The following SLC16A5 variants were observed in gnomAD, a reference collection of about 807,000 sequenced individuals.
SLC16A5 encodes monocarboxylate transporter 6.
In SLC16A5, 29 loss-of-function variants were observed where a neutral mutation model predicts 33.2. The ratio of observed to expected loss-of-function variants is 0.87; its 90% CI spans 0.65 to 1.19. The LOEUF (loss-of-function observed/expected upper bound fraction) is 1.19. Ranked by LOEUF, SLC16A5 falls within the 50% of genes most tolerant of loss-of-function variation. The pLI, the probability that SLC16A5 is intolerant of heterozygous loss-of-function variation, is 0.00. For synonymous variants in SLC16A5, 248 were observed against 284.1 expected, an observed-to-expected ratio of 0.87 and a Z score of 1.28; for missense variants, 606 against 678.2, an observed-to-expected ratio of 0.89 and a Z score of 1.18.
Position 75,100,182 on chromosome 17 carries a change from T to C in SLC16A5, c.519T>C (p.Leu173=). Residue 173 remains leucine, a synonymous_variant, in exon 5 of 7, where the codon CTT becomes CTC. Transcript: ENST00000329783. ...ACCTGGGCTGGAGGGGTACCTTCCT[T>C]GTCTTCGGCGGGATCTTTCTCCACT... ...LENLGWRGTF[L]VFGGIFLHCC... 6.2e-7 allele frequency: 1 copy of C among 1,614,244 alleles called. No individual in the cohort carries two copies. Among genetic ancestry groups the C allele is most frequent in the East Asian group, 2.2e-5 (1 of 44,886 alleles).
At chr17:75,098,696 G>T (rs888741051) in intron 4 of SLC16A5, among the ~76,000 whole-genome samples, 7 of 152,006 alleles carry the variant, frequency 4.6e-5, no homozygotes, top group South Asian at 2.1e-4. Flanking sequence ...GGCTTTTTTT[G>T]TTTGTTTGTT....
chr17:75,107,308 A>C (rs2073870867), downstream of SLC16A5, among the ~76,000 whole-genome samples: 1 of 152,164 alleles, frequency 6.6e-6, no homozygotes, highest in Non-Finnish European at 1.5e-5. Context: ...CTTCCCAAAA[A>C]AAAAAAAGGT....
chr17:75,109,163 C>A (rs1367482089), downstream of SLC16A5, among the ~76,000 whole-genome samples: 3 of 152,300 alleles, frequency 2.0e-5, no homozygotes, highest in East Asian at 5.8e-4. This position sits in a 1 kb window ranked among gnomAD's most constrained non-coding sequence, Gnocchi z 5.0. Flanking sequence ...GAGAAGGAAT[C>A]GGCCGAAGGG....
intron 2 of SLC16A5, 59 bp downstream of exon 2, chr17:75,089,363 A>G (rs2073607953): frequency 6.6e-6 from 1 of 152,100 alleles, no homozygotes; most frequent in Admixed American, 6.6e-5. Context: ...GGGTTCATGA[A>G]CAGGTTCTTG....
At position 75,098,093 on chromosome 17, in the gene SLC16A5, G is replaced by A; in HGVS notation, c.255G>A (p.Leu85=). 6.2e-7 allele frequency: 1 copy of A among 1,609,206 alleles called. No individual in the cohort carries two copies. The highest frequency in any genetic ancestry group is 8.5e-7 in the Non-Finnish European group (1 of 1,178,112). Residue 85 remains leucine (L), a synonymous_variant, in exon 4 of 7, where the codon CTG becomes CTA. Coordinates refer to ENST00000329783, the MANE Select transcript of SLC16A5 (RefSeq NM_004695.4). ...GRFGCRVTVM[L]GGVLASLGMV... Reference sequence around the variant, plus strand: ...TCGGCTGCCGAGTGACCGTGATGCTGGGGGGCGTGCTGGCCAGCCTGGGCA... The same window carrying A: ...TCGGCTGCCGAGTGACCGTGATGCTAGGGGGCGTGCTGGCCAGCCTGGGCA...
At chr17:75,089,790 G>T (rs1157658990) in intron 2 of SLC16A5, 3 of 149,668 alleles carry the variant, frequency 2.0e-5, no homozygotes, top group Middle Eastern at 3.2e-3. Flanking sequence ...GAGAAAACAG[G>T]AAGGAGGTGC....
At position 75,089,139 on chromosome 17, in the gene SLC16A5, C is replaced by T. The variant is rs1190822709; in HGVS notation, c.-202-12C>T. Reference sequence around the variant, plus strand: ...CACACACCAGGCAGTGACCATGACTCATGGTTCCCAGTACAAAGAAAAGAG... The same window carrying T: ...CACACACCAGGCAGTGACCATGACTTATGGTTCCCAGTACAAAGAAAAGAG... On this transcript the variant is annotated splice_polypyrimidine_tract_variant and intron_variant, in intron 1 of 6. Transcript: ENST00000329783. 6.6e-6 allele frequency: 1 copy of T among 152,498 alleles called. No homozygotes were observed. The allele number at this position is 152,498 out of a possible 1,614,324, so 9.4% of individuals were successfully genotyped here.
Position 75,098,125 on chromosome 17 carries a change from C to G in SLC16A5, c.287C>G (p.Ala96Gly). The G allele has an allele frequency of 1.2e-6, 2 of 1,611,648 alleles. No homozygotes were observed. Among genetic ancestry groups the G allele is most frequent in the Non-Finnish European group, 1.7e-6 (2 of 1,179,276 alleles). Residue 96 changes from alanine (A) to glycine (G), a missense_variant, in exon 4 of 7, where the codon GCC becomes GGC. By Grantham distance (60) the Ala-to-Gly change is moderately conservative (BLOSUM62 0). Transcript: ENST00000329783. ...GGVLASLGMV[A>G]SSFSHNLSQL... ...GTGCTGGCCAGCCTGGGCATGGTGG[C>G]CAGCTCCTTCTCTCACAACCTCAGC...
intron 1 of SLC16A5, among the ~76,000 whole-genome samples, chr17:75,088,587 T>C (rs1393699632): frequency 6.6e-6 from 1 of 152,148 alleles, no homozygotes; most frequent in Non-Finnish European, 1.5e-5. Context: ...TGCTGCTCTC[T>C]GCTGGACGGG....
intron 3 of SLC16A5, among the ~76,000 whole-genome samples, chr17:75,096,300 G>C (rs895885077): frequency 2.0e-5 from 3 of 151,544 alleles, no homozygotes; most frequent in African/African-American, 7.3e-5. Context: ...ACCACCCTCA[G>C]CTATGCAGCT....
intron 2 of SLC16A5, among the ~76,000 whole-genome samples, chr17:75,092,021 T>C (rs2073643463): frequency 1.3e-5 from 1 of 79,222 alleles, no homozygotes; most frequent in Non-Finnish European, 2.5e-5. Context: ...GCCAAAGATG[T>C]GAGGGGGGTG....
chr17:75,091,129 G>A (rs550920761), intron 2 of SLC16A5, among the ~76,000 whole-genome samples: 21 of 152,168 alleles, frequency 1.4e-4, no homozygotes, highest in Non-Finnish European at 3.1e-4. Flanking sequence ...GCAGGGAACA[G>A]GCAAAGGCAG....
At chr17:75,103,110 C>T (rs778178156) in intron 5 of SLC16A5, among the ~76,000 whole-genome samples, 4 of 152,180 alleles carry the variant, frequency 2.6e-5, no homozygotes, top group South Asian at 2.1e-4. Flanking sequence ...AGGCTGTTCT[C>T]GAACTCCTGA....
intron 3 of SLC16A5, among the ~76,000 whole-genome samples, chr17:75,096,961 G>C (rs2073728524): frequency 6.7e-6 from 1 of 148,550 alleles, no homozygotes; most frequent in Non-Finnish European, 1.5e-5. Flanking sequence ...AAGTAGCTGG[G>C]ATTACAGGCA....
chr17:75,094,592 A>G (rs537984883), intron 3 of SLC16A5, among the ~76,000 whole-genome samples: 1 of 152,042 alleles, frequency 6.6e-6, no homozygotes, highest in African/African-American at 2.4e-5. Context: ...AGGCTGAGGC[A>G]GGAGAATCTC....
At chr17:75,091,318 C>A (rs547351243) in intron 2 of SLC16A5, among the ~76,000 whole-genome samples, 1 of 152,172 alleles carries the variant, frequency 6.6e-6, no homozygotes, top group African/African-American at 2.4e-5. Flanking sequence ...GAACAGAAAT[C>A]TTGGGAGAGG....
chr17:75,088,538 G>A (rs1399571421), intron 1 of SLC16A5, among the ~76,000 whole-genome samples: 4 of 152,160 alleles, frequency 2.6e-5, no homozygotes, highest in Non-Finnish European at 5.9e-5. Context: ...GCCAACCACA[G>A]GGTTGAGGGT....
chr17:75,093,373 C>T, intron 2 of SLC16A5: 1 of 1,531,822 alleles, frequency 6.5e-7, no homozygotes, highest in South Asian at 1.2e-5. Context: ...GTCCTTCCTG[C>T]CACCTCCTGC....
chr17:75,096,441 C>T (rs945532507), intron 3 of SLC16A5, among the ~76,000 whole-genome samples: 3 of 151,410 alleles, frequency 2.0e-5, no homozygotes, highest in African/African-American at 7.3e-5. Flanking sequence ...GAGCCACCTC[C>T]CCCTCTACAG....
Sources: allele counts gnomAD v4.1 joint callset (sites outside exome capture counted in the v4.1 genomes callset), GRCh38; gene constraint gnomAD v4.1.1; non-coding constraint Gnocchi (gnomAD v3.1); transcripts MANE v1.5; gene names NCBI Gene and HGNC (gene_info 2026-07-23, HGNC 2026-07-21).